Variants in HDGFL1 observed in about 807,000 individuals in gnomAD.
HDGFL1 encodes the protein hepatoma-derived growth factor-like protein 1.
For missense variants in HDGFL1, 422 were observed against 365.3 expected (o/e 1.16, Z -1.27); for synonymous variants, 190 against 165.1 (o/e 1.15, Z -1.16).
At position 22,569,605 on chromosome 6, in the gene HDGFL1, G is replaced by C. The variant is rs1030558714; in HGVS notation, c.30G>C (p.Lys10Asn). The part of the protein sequence containing the change: MSAYGMPMY[K>N]SGDLVFAKLK... ...CGGCCTACGGCATGCCCATGTACAA[G>C]AGCGGGGACCTGGTGTTTGCCAAGT... is the stretch of plus-strand genomic sequence containing the variant. Residue 10 changes from lysine to asparagine, a missense_variant, in exon 1 of 1, where the codon AAG becomes AAC. Transcript: ENST00000510882. The C allele has an allele frequency of 1.2e-6, 2 of 1,614,058 alleles. No individual in the cohort carries two copies. Among genetic ancestry groups the C allele is most frequent in the African/African-American group, 1.3e-5 (1 of 74,958 alleles).
Position 22,570,101 on chromosome 6 carries a change from G to T in HDGFL1, c.526G>T (p.Ala176Ser). ...DQEEEAEAER[A>S]AEAERAAAAA... ...AGAGGAGGAGGCGGAGGCGGAGAGG[G>T]CGGCGGAAGCGGAGAGGGCGGCGGC... is the stretch of plus-strand genomic sequence containing the variant. The change falls in exon 1 of 1, where the codon GCG (alanine) becomes TCG (serine). Residue 176 changes from alanine (A) to serine (S), a missense_variant. Physicochemically the swap from Ala to Ser is moderately conservative, Grantham distance 99 (BLOSUM62 1). Transcript: ENST00000510882. 2 of 1,536,114 alleles carry T rather than the reference G, an allele frequency of 1.3e-6. No individual in the cohort carries two copies. Among genetic ancestry groups the T allele is most frequent in the Middle Eastern group, 2.3e-4 (1 of 4,414 alleles).
At position 22,571,478 on chromosome 6, in the gene HDGFL1, A is replaced by G. The variant is rs1459399499; in HGVS notation, c.*1147A>G. 1 of 167,118 alleles carries G rather than the reference A, an allele frequency of 6.0e-6. No homozygotes were observed. Among genetic ancestry groups the G allele is most frequent in the African/African-American group, 2.4e-5 (1 of 41,450 alleles). 10.4% of individuals were successfully genotyped at this position (167,118 alleles called of 1,614,324 possible). A position where few individuals can be genotyped will look rare whatever the true frequency, so the allele number is the denominator to read the frequency against. ...GTATGTAGCTCACTGATAACAGAGG[A>G]AGATGTGTCTCCTCCCACCCTCTTC... On this transcript the variant is annotated 3_prime_UTR_variant, in exon 1 of 1. Coordinates refer to ENST00000510882, the MANE Select transcript of HDGFL1 (RefSeq NM_138574.4).
In HDGFL1 at chr6:22,570,497, CCTGA is replaced by C. The variant is rs1760906315; in HGVS notation, c.*169_*172del. On this transcript the variant is annotated 3_prime_UTR_variant, in exon 1 of 1. Transcript: ENST00000510882. Reference sequence around the variant, plus strand: ...TGCCGGGCCCCAGGATGGCAGGCCACCTGACTCTCACCTCTGTGCCCCCACGCCT... The same window carrying C: ...TGCCGGGCCCCAGGATGGCAGGCCACCTCTCACCTCTGTGCCCCCACGCCT... The C allele has an allele frequency of 1.7e-6, 1 of 589,746 alleles. No homozygotes were observed. The highest frequency in any genetic ancestry group is 2.7e-6 in the Non-Finnish European group (1 of 369,036). The allele number at this position is 589,746 out of a possible 1,614,324, so 36.5% of individuals were successfully genotyped here. A position where few individuals can be genotyped will look rare whatever the true frequency, so the allele number is the denominator to read the frequency against.
rs1446567228 is a variant in HDGFL1 at position 22,571,177 on chromosome 6, C to T, written c.*846C>T. ...CTTTCTCTCCCCACAGCCTCAAGGC[C>T]ACCCTACCGTCATATATATCACTCA... On this transcript the variant is annotated 3_prime_UTR_variant, in exon 1 of 1. Transcript: ENST00000510882. 2 of 167,096 alleles carry T rather than the reference C, an allele frequency of 1.2e-5. No homozygotes were observed. Among genetic ancestry groups the T allele is most frequent in the African/African-American group, 4.8e-5 (2 of 41,432 alleles). The allele number at this position is 167,096 out of a possible 1,614,324, so 10.4% of individuals were successfully genotyped here.
Position 22,570,815 on chromosome 6 carries a change from G to A in HDGFL1, c.*484G>A, listed in dbSNP as rs1323007939. ...AGAGCAGAGGGCACTTGCAGGGCCT[G>A]GGATGAGCAGTCTTCAAGCTGTGGT... is the stretch of plus-strand genomic sequence containing the variant. On this transcript the variant is annotated 3_prime_UTR_variant, in exon 1 of 1. Transcript: ENST00000510882. 5.9e-6 allele frequency: 1 copy of A among 170,280 alleles called. No homozygotes were observed. Among genetic ancestry groups the A allele is most frequent in the African/African-American group, 2.4e-5 (1 of 41,550 alleles). 10.5% of individuals were successfully genotyped at this position (170,280 alleles called of 1,614,324 possible). A position where few individuals can be genotyped will look rare whatever the true frequency, so the allele number is the denominator to read the frequency against.
In HDGFL1 at chr6:22,569,941, T is replaced by A; in HGVS notation, c.366T>A (p.Ala122=). The change falls in exon 1 of 1, where the codon GCT becomes GCA. Residue 122 remains alanine (A), a synonymous_variant. Transcript: ENST00000510882. The part of the protein sequence containing the change: ...AEGDEDKPTH[A]GGGGDELGKP... ...GCGACGAGGACAAGCCGACCCACGC[T>A]GGTGGCGGCGGCGACGAATTGGGGA... 1 of 1,552,880 alleles carries A rather than the reference T, an allele frequency of 6.4e-7. No individual in the cohort carries two copies. Among genetic ancestry groups the A allele is most frequent in the Non-Finnish European group, 8.7e-7 (1 of 1,148,446 alleles).
rs746247886 is a variant in HDGFL1, at chr6:22,569,652, C to A, written c.77C>A (p.Pro26Gln). The change falls in exon 1 of 1, where the codon CCG becomes CAG. Residue 26 changes from proline (P) to glutamine (Q), a missense_variant. Transcript: ENST00000510882. ...FAKLKGYAHW[P>Q]ARIEHMTQPN... The stretch of plus-strand genomic sequence containing the variant: ...AAGTTAAAGGGCTATGCCCACTGGC[C>A]GGCGAGGATAGAGCACATGACCCAG... 1 of 1,614,160 alleles carries A rather than the reference C, an allele frequency of 6.2e-7. No individual in the cohort carries two copies. Among genetic ancestry groups the A allele is most frequent in the Admixed American group, 1.7e-5 (1 of 60,030 alleles).
rs2113626625 is a variant in HDGFL1, at chr6:22,570,465, T to C, written c.*134T>C. On this transcript the variant is annotated 3_prime_UTR_variant, in exon 1 of 1. Transcript: ENST00000510882. ...CCCGTCCTCCTCCAACCCGCGCTCC[T>C]TTGCCCTGCCGGGCCCCAGGATGGC... 2 of 961,376 alleles carry C rather than the reference T, an allele frequency of 2.1e-6. No individual in the cohort carries two copies. Among genetic ancestry groups the C allele is most frequent in the South Asian group, 2.8e-5 (1 of 35,178 alleles). 59.6% of individuals were successfully genotyped at this position (961,376 alleles called of 1,614,324 possible).
At chr6:22,570,309 GC>G in the HDGFL1 span, 1 of 1,484,698 alleles carries the variant, frequency 6.7e-7, no homozygotes, top group Non-Finnish European at 8.9e-7. Context: ...GCACCGGGCG[GC>G]GGAGATCGCG....
In HDGFL1 at chr6:22,571,591, G is replaced by GT. The variant is rs1327889062; in HGVS notation, c.*1263dup. 1.2e-5 allele frequency: 2 copies of GT among 167,096 alleles called. No homozygotes were observed. The highest frequency in any genetic ancestry group is 4.8e-5 in the African/African-American group (2 of 41,448). 10.4% of individuals were successfully genotyped at this position (167,096 alleles called of 1,614,324 possible). On this transcript the variant is annotated 3_prime_UTR_variant, in exon 1 of 1. Transcript: ENST00000510882. The stretch of plus-strand genomic sequence containing the variant: ...CTCTGATGAAAAATTGTTGACTGCA[G>GT]TTTCGGAAGTTTGATCTGAGAACCA...
Position 22,570,197 on chromosome 6 carries a change from A to G in HDGFL1, c.622A>G (p.Ser208Gly), listed in dbSNP as rs777692694. 1.1e-5 allele frequency: 17 copies of G among 1,564,714 alleles called. No individual in the cohort carries two copies. Among genetic ancestry groups the G allele is most frequent in the Admixed American group, 3.9e-5 (2 of 51,678 alleles). The change falls in exon 1 of 1, where the codon AGC (serine) becomes GGC (glycine). Residue 208 changes from serine to glycine, a missense_variant. Physicochemically the swap from Ser to Gly is moderately conservative, Grantham distance 56. Coordinates refer to ENST00000510882, the MANE Select transcript of HDGFL1 (RefSeq NM_138574.4). ...LVAVENGSAP[S>G]EPGLVCEPPQ... Reference sequence around the variant, plus strand: ...GGCGGTGGAGAACGGCAGCGCCCCTAGCGAGCCGGGCCTGGTCTGCGAGCC... The same window carrying G: ...GGCGGTGGAGAACGGCAGCGCCCCTGGCGAGCCGGGCCTGGTCTGCGAGCC...
At position 22,570,546 on chromosome 6, in the gene HDGFL1, C is replaced by A; in HGVS notation, c.*215C>A. The A allele has an allele frequency of 2.3e-6, 1 of 426,692 alleles. No homozygotes were observed. The highest frequency in any genetic ancestry group is 1.2e-4 in the South Asian group (1 of 8,060). 26.4% of individuals were successfully genotyped at this position (426,692 alleles called of 1,614,324 possible). ...ACGCCTCTGTGATCTGAGTCAGGGCCTCAGTTCCCTCCCTGGGATAAAGTG... is the reference window on the plus strand; with the variant it reads ...ACGCCTCTGTGATCTGAGTCAGGGCATCAGTTCCCTCCCTGGGATAAAGTG... On this transcript the variant is annotated 3_prime_UTR_variant, in exon 1 of 1. Coordinates refer to ENST00000510882, the MANE Select transcript of HDGFL1 (RefSeq NM_138574.4).
In HDGFL1 at chr6:22,569,947, C is replaced by T; in HGVS notation, c.372C>T (p.Gly124=). 1 of 1,551,428 alleles carries T rather than the reference C, an allele frequency of 6.4e-7. No homozygotes were observed. Among genetic ancestry groups the T allele is most frequent in the Non-Finnish European group, 8.7e-7 (1 of 1,147,644 alleles). ...GDEDKPTHAG[G]GGDELGKPDD... ...AGGACAAGCCGACCCACGCTGGTGGCGGCGGCGACGAATTGGGGAAGCCGG... is the reference window on the plus strand; with the variant it reads ...AGGACAAGCCGACCCACGCTGGTGGTGGCGGCGACGAATTGGGGAAGCCGG... The change falls in exon 1 of 1, where the codon GGC becomes GGT. Residue 124 remains glycine, a synonymous_variant. Transcript: ENST00000510882.
In HDGFL1 at chr6:22,570,234, A is replaced by G. The variant is rs1484724523; in HGVS notation, c.659A>G (p.Glu220Gly). ...CTGGTCTGCGAGCCGCCTCAGCCAG[A>G]GGAGGAGGAGCTCCGGGAGGAAGAA... is the stretch of plus-strand genomic sequence containing the variant. ...PGLVCEPPQP[E>G]EEELREEEVA... is the part of the protein sequence containing the mutation. The change falls in exon 1 of 1, where the codon GAG becomes GGG. Residue 220 changes from glutamate (E) to glycine (G), a missense_variant. Coordinates refer to ENST00000510882, the MANE Select transcript of HDGFL1 (RefSeq NM_138574.4). 5.8e-6 allele frequency: 9 copies of G among 1,561,986 alleles called. No homozygotes were observed. The highest frequency in any genetic ancestry group is 6.0e-6 in the Non-Finnish European group (7 of 1,160,154).
At position 22,571,591 on chromosome 6, in the gene HDGFL1, G is replaced by A. The variant is rs1760924039; in HGVS notation, c.*1260G>A. 1 of 167,096 alleles carries A rather than the reference G, an allele frequency of 6.0e-6. No individual in the cohort carries two copies. Among genetic ancestry groups the A allele is most frequent in the South Asian group, 2.1e-4 (1 of 4,828 alleles). 10.4% of individuals were successfully genotyped at this position (167,096 alleles called of 1,614,324 possible). On this transcript the variant is annotated 3_prime_UTR_variant, in exon 1 of 1. Transcript: ENST00000510882. ...CTCTGATGAAAAATTGTTGACTGCAGTTTCGGAAGTTTGATCTGAGAACCA... is the reference window on the plus strand; with the variant it reads ...CTCTGATGAAAAATTGTTGACTGCAATTTCGGAAGTTTGATCTGAGAACCA...
chr6:22,570,217 C>T lies in HDGFL1; in HGVS notation c.642C>T (p.Cys214=), dbSNP rs769888374. The T allele has an allele frequency of 4.9e-5, 76 of 1,564,742 alleles. No homozygotes were observed. The highest frequency in any genetic ancestry group is 6.0e-5 in the Non-Finnish European group (70 of 1,160,716). The change falls in exon 1 of 1, where the codon TGC becomes TGT. Residue 214 remains cysteine (C), a synonymous_variant. Transcript: ENST00000510882. The stretch of plus-strand genomic sequence containing the variant: ...CCCCTAGCGAGCCGGGCCTGGTCTG[C>T]GAGCCGCCTCAGCCAGAGGAGGAGG... ...GSAPSEPGLV[C]EPPQPEEEEL...
chr6:22,570,475 C>G lies in HDGFL1; in HGVS notation c.*144C>G, dbSNP rs1174370650. The G allele has an allele frequency of 3.5e-6, 3 of 855,708 alleles. No homozygotes were observed. In the South Asian group the frequency reaches 1.0e-4, roughly 29 times the overall value. The allele number at this position is 855,708 out of a possible 1,614,324, so 53.0% of individuals were successfully genotyped here. A position where few individuals can be genotyped will look rare whatever the true frequency, so the allele number is the denominator to read the frequency against. On this transcript the variant is annotated 3_prime_UTR_variant, in exon 1 of 1. Transcript: ENST00000510882. ...TCCAACCCGCGCTCCTTTGCCCTGC[C>G]GGGCCCCAGGATGGCAGGCCACCTG...
chr6:22,569,871 AGGG>A lies in HDGFL1; in HGVS notation c.297_299del (p.Lys99_Gly100delinsAsn). The A allele has an allele frequency of 6.3e-7, 1 of 1,587,268 alleles. No homozygotes were observed. The highest frequency in any genetic ancestry group is 8.6e-7 in the Non-Finnish European group (1 of 1,166,926). On this transcript the variant is annotated inframe_deletion, in exon 1 of 1. Transcript: ENST00000510882. ...TCCGACTGCCCATTAGCCTCAGAGA[AGGG>A]CAGCGGAGACGGGCCTTGGCCGGAG...
chr6:22,570,579 C>G lies in HDGFL1; in HGVS notation c.*248C>G. The G allele has an allele frequency of 2.4e-6, 1 of 409,530 alleles. No homozygotes were observed. The highest frequency in any genetic ancestry group is 4.4e-6 in the Non-Finnish European group (1 of 225,672). 25.4% of individuals were successfully genotyped at this position (409,530 alleles called of 1,614,324 possible). On this transcript the variant is annotated 3_prime_UTR_variant, in exon 1 of 1. Coordinates refer to ENST00000510882, the MANE Select transcript of HDGFL1 (RefSeq NM_138574.4). Reference sequence around the variant, plus strand: ...CCTCCCTGGGATAAAGTGAGGCCACCATCCCAGCTTCCGGCTCCCTCTTCT... The same window carrying G: ...CCTCCCTGGGATAAAGTGAGGCCACGATCCCAGCTTCCGGCTCCCTCTTCT...
Sources: allele counts gnomAD v4.1 joint callset, GRCh38; gene constraint gnomAD v4.1.1; transcripts MANE v1.5; gene names NCBI Gene and HGNC (gene_info 2026-07-23, HGNC 2026-07-21).